The following PRKG2 variants were observed in gnomAD, a reference collection of about 807,000 sequenced individuals.
PRKG2 encodes cGMP-dependent protein kinase 2.
A neutral mutation model predicts 97.2 loss-of-function variants in PRKG2; 33 were observed. That is an observed-to-expected ratio of 0.34 (90% confidence interval 0.26 to 0.45). The LOEUF (loss-of-function observed/expected upper bound fraction) is 0.45. Among genes scored for constraint, PRKG2 ranks in the 20% least tolerant of loss-of-function variants. The pLI is 1.00. For missense variants in PRKG2, 638 were observed against 900.0 expected (o/e 0.71, Z 3.73); for synonymous variants, 330 against 321.8 (o/e 1.03, Z -0.27).
chr4:81,136,932 A>G lies in PRKG2; in HGVS notation c.1634+461T>C, dbSNP rs559964060. On this transcript the variant is annotated intron_variant, in intron 13 of 18. Transcript: ENST00000264399. Reference sequence around the variant, plus strand: ...CACCGTGCACTATGAAGCCTTTTACATAGGTGGTGCTTAGTAAATATCTAT... The same window carrying G: ...CACCGTGCACTATGAAGCCTTTTACGTAGGTGGTGCTTAGTAAATATCTAT... Among the ~76,000 whole-genome samples the G allele has an allele frequency of 5.3e-5, 8 of 152,286 alleles. No homozygotes were observed. In the East Asian group the frequency reaches 1.4e-3, roughly 26 times the overall value.
Position 81,204,962 on chromosome 4 carries a change from T to C in PRKG2, c.86A>G (p.Lys29Arg), listed in dbSNP as rs1032955278. The C allele has an allele frequency of 5.0e-6, 8 of 1,614,030 alleles. No homozygotes were observed. The highest frequency in any genetic ancestry group is 6.8e-6 in the Non-Finnish European group (8 of 1,180,040). ...GNLTTDALRN[K>R]VTELERELRR... ...CAACTCTCTCTCCAGCTCTGTCACC[T>C]TGTTCCGCAGAGCATCAGTGGTGAG... The change falls in exon 2 of 19, where the codon AAG becomes AGG. Residue 29 changes from lysine to arginine, a missense_variant. Lys to Arg is a conservative substitution (Grantham distance 26, BLOSUM62 2). Transcript: ENST00000264399.
chr4:81,216,507 A>G (rs1466303714), upstream of PRKG2, among the ~76,000 whole-genome samples: 1 of 152,152 alleles, frequency 6.6e-6, no homozygotes, highest in Non-Finnish European at 1.5e-5. Context: ...GACAAAAAGG[A>G]GAAAAACAGA....
intron 9 of PRKG2, among the ~76,000 whole-genome samples, chr4:81,145,076 A>G (rs1265460712): frequency 1.3e-5 from 2 of 152,082 alleles, no homozygotes; most frequent in Non-Finnish European, 2.9e-5. Context: ...ATACATGTGC[A>G]TGAGTCTTTA....
At chr4:81,181,500 G>C (rs1751409193) in intron 2 of PRKG2, among the ~76,000 whole-genome samples, 1 of 151,204 alleles carries the variant, frequency 6.6e-6, no homozygotes, top group Non-Finnish European at 1.5e-5. Context: ...CTCAAAAAAG[G>C]AAGGAAGAAA....
intron 2 of PRKG2, among the ~76,000 whole-genome samples, chr4:81,178,851 G>A (rs1415991723): frequency 6.6e-6 from 1 of 152,082 alleles, no homozygotes; most frequent in Admixed American, 6.6e-5. Context: ...ATCAGGCAGA[G>A]TGCAGTGCCT....
chr4:81,123,901 C>A (rs1425602356), intron 14 of PRKG2, among the ~76,000 whole-genome samples: 1 of 151,930 alleles, frequency 6.6e-6, no homozygotes, highest in Non-Finnish European at 1.5e-5. Context: ...ATTTTAATTC[C>A]CATTATACCC....
intron 2 of PRKG2, among the ~76,000 whole-genome samples, chr4:81,182,027 C>A (rs1227627092): frequency 6.6e-6 from 1 of 151,522 alleles, no homozygotes; most frequent in African/African-American, 2.4e-5. Flanking sequence ...TATTATTAAG[C>A]CTTATAGATA....
At chr4:81,192,379 G>A (rs1477361140) in intron 2 of PRKG2, 1 of 152,110 alleles carries the variant, frequency 6.6e-6, no homozygotes, top group African/African-American at 2.4e-5. Context: ...TGATCATTTT[G>A]GTGGTCACAT....
intron 2 of PRKG2, among the ~76,000 whole-genome samples, chr4:81,185,261 A>G (rs1751768604): frequency 2.0e-5 from 3 of 152,352 alleles, no homozygotes; most frequent in Middle Eastern, 3.4e-3. Flanking sequence ...GAAGCCCATC[A>G]GACTAACAGT....
At chr4:81,199,549 T>A (rs1436029660) in intron 2 of PRKG2, among the ~76,000 whole-genome samples, 1 of 152,172 alleles carries the variant, frequency 6.6e-6, no homozygotes, top group Non-Finnish European at 1.5e-5. Flanking sequence ...GTGCCTCAGT[T>A]TTCTCATATA....
rs1019512034 is a variant in PRKG2, at chr4:81,107,702, G to A, written c.1941-1767C>T. On this transcript the variant is annotated intron_variant, in intron 15 of 18. Transcript: ENST00000264399. ...TAATTTTTGTATTTTTAGTGGAGAC[G>A]GAGTTTCACCATGTTGGCCAGGATG... Among the ~76,000 whole-genome samples, 10 of 151,968 alleles carry A rather than the reference G, an allele frequency of 6.6e-5. No individual in the cohort carries two copies. The South Asian group carries it at 8.3e-4, about 13-fold the overall frequency.
At position 81,121,067 on chromosome 4, in the gene PRKG2, T is replaced by C. The variant is rs543395565; in HGVS notation, c.1777-10456A>G. ...TGATATGATAATATAATGCTTTTTT[T>C]TCAGCCTGCTGGTGTAATGGATTAT... On this transcript the variant is annotated intron_variant, in intron 14 of 18. Coordinates refer to ENST00000264399, the MANE Select transcript of PRKG2 (RefSeq NM_006259.3). Among the ~76,000 whole-genome samples the C allele has an allele frequency of 1.1e-4, 16 of 152,324 alleles. No homozygotes were observed. The East Asian group carries it at 3.1e-3, about 29-fold the overall frequency.
At chr4:81,126,645 T>C (rs572024430) in intron 14 of PRKG2, among the ~76,000 whole-genome samples, 195 of 152,358 alleles carry the variant, frequency 1.3e-3, no homozygotes, top group Non-Finnish European at 2.1e-3. Context: ...GAGCTTTCTT[T>C]CATATGTTTT....
upstream of PRKG2, among the ~76,000 whole-genome samples, chr4:81,217,059 A>G (rs1429621872): frequency 2.8e-5 from 4 of 144,968 alleles, no homozygotes; most frequent in South Asian, 2.2e-4. Flanking sequence ...ATATATGTGT[A>G]TATATATAAT....
At chr4:81,109,196 G>A (rs900206974) in intron 15 of PRKG2, among the ~76,000 whole-genome samples, 6 of 147,112 alleles carry the variant, frequency 4.1e-5, no homozygotes, top group African/African-American at 1.6e-4. Context: ...TTTCATATTT[G>A]TTTGCTCAAT....
chr4:81,137,043 A>T (rs1292698459), intron 13 of PRKG2, among the ~76,000 whole-genome samples: 1 of 151,220 alleles, frequency 6.6e-6, no homozygotes, highest in African/African-American at 2.4e-5. Flanking sequence ...GGGCTTACCC[A>T]CTCCCCACCC....
intron 14 of PRKG2, among the ~76,000 whole-genome samples, chr4:81,119,370 T>C (rs903677767): frequency 4.6e-5 from 7 of 152,234 alleles, no homozygotes; most frequent in African/African-American, 1.4e-4. Flanking sequence ...GAAAAGACTA[T>C]CTTTGCTCCA....
chr4:81,188,257 A>T (rs1560614916), intron 2 of PRKG2, among the ~76,000 whole-genome samples: 1 of 151,008 alleles, frequency 6.6e-6, no homozygotes, highest in Non-Finnish European at 1.5e-5. Context: ...ATGCAGCCAA[A>T]AAACACATGA....
chr4:81,154,998 C>A (rs1748883503), intron 6 of PRKG2, among the ~76,000 whole-genome samples: 1 of 151,742 alleles, frequency 6.6e-6, no homozygotes, highest in Non-Finnish European at 1.5e-5. Context: ...CACGGTGAAA[C>A]CCCGTCTCTA....
Sources: gnomAD v4.1 joint callset for allele counts (sites outside exome capture counted in the v4.1 genomes callset) on GRCh38, gnomAD v4.1.1 for gene constraint, MANE v1.5 for transcripts, NCBI Gene and HGNC (gene_info 2026-07-23, HGNC 2026-07-21) for gene names.